The following NHSL1 variants were observed in gnomAD, a reference collection of about 807,000 sequenced individuals.
The protein encoded by NHSL1 is NHS like 1, also known as NHS-like protein 1.
In NHSL1, 48 loss-of-function variants were observed where a neutral mutation model predicts 95.0. The ratio of observed to expected loss-of-function variants is 0.51; its 90% confidence interval spans 0.40 to 0.64. The LOEUF (loss-of-function observed/expected upper bound fraction) is 0.64. Among genes scored for constraint, NHSL1 ranks in the 30% least tolerant of loss-of-function variants. The pLI, the probability that NHSL1 is intolerant of heterozygous loss-of-function variation, is 0.00. For missense variants in NHSL1, 1,971 were observed against 2,077.7 expected, an observed-to-expected ratio of 0.95 and a Z score of 1.00; for synonymous variants, 783 against 833.9, an observed-to-expected ratio of 0.94 and a Z score of 1.05.
chr6:138,613,783 C>T (rs1285153949), intron 1 of NHSL1, among the ~76,000 whole-genome samples: 2 of 152,122 alleles, frequency 1.3e-5, no homozygotes, highest in Non-Finnish European at 2.9e-5. Context: ...AGAGGGGAAG[C>T]GAATTAGGCT....
At chr6:138,493,960 G>A (rs1266451274) in intron 2 of NHSL1, among the ~76,000 whole-genome samples, 2 of 152,056 alleles carry the variant, frequency 1.3e-5, no homozygotes, top group Non-Finnish European at 2.9e-5. Flanking sequence ...AAATAAAAAG[G>A]GAAACCAACA....
At chr6:138,536,626 T>TCTC (rs1782361984) in intron 1 of NHSL1, among the ~76,000 whole-genome samples, 1 of 90,554 alleles carries the variant, frequency 1.1e-5, no homozygotes, top group African/African-American at 5.3e-5. Context: ...TTTTTTTTTT[T>TCTC]TTTTTCACTT....
At chr6:138,553,613 T>C (rs1455545443) in intron 1 of NHSL1, among the ~76,000 whole-genome samples, 1 of 152,196 alleles carries the variant, frequency 6.6e-6, no homozygotes, top group Non-Finnish European at 1.5e-5. Flanking sequence ...TAGTGGAAAG[T>C]ATATAAAACC....
intron 1 of NHSL1, among the ~76,000 whole-genome samples, chr6:138,536,995 C>A (rs571635921): frequency 6.6e-6 from 1 of 152,272 alleles, no homozygotes; most frequent in East Asian, 1.9e-4. Flanking sequence ...TTCCCAATTC[C>A]TCAGTACAGC....
chr6:138,644,299 G>C (rs1437759105), intron 1 of NHSL1, among the ~76,000 whole-genome samples: 2 of 152,072 alleles, frequency 1.3e-5, no homozygotes, highest in African/African-American at 4.8e-5. Context: ...TCAGGAGTTC[G>C]AGACCAGTCT....
intron 1 of NHSL1, chr6:138,651,057 T>C (rs561194768): frequency 2.8e-5 from 11 of 387,024 alleles, no homozygotes; most frequent in African/African-American, 1.7e-4. Context: ...CCTCGTATTT[T>C]GATAACATGC....
chr6:138,552,704 C>G (rs1488615266), intron 1 of NHSL1, among the ~76,000 whole-genome samples: 1 of 152,130 alleles, frequency 6.6e-6, no homozygotes, highest in East Asian at 1.9e-4. Context: ...TTGACCTGGG[C>G]TCTTGGCTTA....
chr6:138,679,545 A>T (rs1186887083), intron 1 of NHSL1, among the ~76,000 whole-genome samples: 1 of 152,208 alleles, frequency 6.6e-6, no homozygotes, highest in Non-Finnish European at 1.5e-5. Context: ...TGATAGAAAA[A>T]CACATCTACT....
In NHSL1 at chr6:138,476,401, A is replaced by G. The variant is rs116073455; in HGVS notation, c.212-2968T>C. Among the ~76,000 whole-genome samples the G allele has an allele frequency of 3.5e-4, 54 of 152,332 alleles. 1 individual carries two copies. The highest frequency in any genetic ancestry group is 1.2e-3 in the African/African-American group (48 of 41,566). ...TGAGTGAAATAACTCAGAAACAGAA[A>G]ATCAAATAGTGCATGTTCTCACCTT... On this transcript the variant is annotated intron_variant, in intron 2 of 7. Transcript: ENST00000343505.
intron 1 of NHSL1, among the ~76,000 whole-genome samples, chr6:138,635,946 C>A (rs1784881832): frequency 7.9e-6 from 1 of 125,996 alleles, no homozygotes; most frequent in African/African-American, 3.3e-5. Context: ...AATGCCGTCT[C>A]TACTAAAAAA....
chr6:138,545,894 G>T, upstream of NHSL1: 1 of 925,922 alleles, frequency 1.1e-6, no homozygotes, highest in Non-Finnish European at 1.3e-6. Context: ...AAAGGAGCCA[G>T]GGGTTAGCAG....
chr6:138,555,906 G>C (rs1359284644), intron 1 of NHSL1, among the ~76,000 whole-genome samples: 1 of 151,948 alleles, frequency 6.6e-6, no homozygotes, highest in African/African-American at 2.4e-5. Flanking sequence ...GGCCCTGTTG[G>C]GTACAGGCCT....
chr6:138,451,603 G>A (rs1177791359), intron 3 of NHSL1, among the ~76,000 whole-genome samples: 2 of 152,258 alleles, frequency 1.3e-5, no homozygotes, highest in Admixed American at 6.5e-5. Context: ...CCTTGCCCTT[G>A]GTGGGGACTT....
chr6:138,432,510 T>G lies in NHSL1; in HGVS notation c.1835A>C (p.His612Pro). The G allele has an allele frequency of 6.4e-7, 1 of 1,552,190 alleles. No homozygotes were observed. Among genetic ancestry groups the G allele is most frequent in the African/African-American group, 1.4e-5 (1 of 73,154 alleles). The change falls in exon 6 of 8, where the codon CAC becomes CCC. Residue 612 changes from histidine to proline, a missense_variant. Physicochemically the swap from His to Pro is moderately conservative, Grantham distance 77. Around this residue, in one of 3 missense-constraint regions of NHSL1, gnomAD observed 1,602 missense variants for 1,654.5 expected, o/e 0.97. Transcript: ENST00000343505. This position sits in a 1 kb window ranked among gnomAD's most constrained non-coding sequence, Gnocchi z 4.4. ...EDHDGYCASV[H>P]TDSGHGSGNL... ...CCCAGATCCATGTCCAGAGTCAGTG[T>G]GCACAGATGCACAGTAGCCATCGTG... is the stretch of plus-strand genomic sequence containing the variant.
chr6:138,692,291 G>C lies in NHSL1; in HGVS notation c.96+185C>G, dbSNP rs750463908. On this transcript the variant is annotated intron_variant, in intron 1 of 3. Coordinates refer to the NHSL1 transcript ENST00000491526. This position sits in a 1 kb window ranked among gnomAD's most constrained non-coding sequence, Gnocchi z 4.0. ...ACCCTCCAGGAGTCCGAAAGTCACA[G>C]AGCGCTCTGCGCCCCTGCCACCTGC... 2.4e-6 allele frequency: 1 copy of C among 409,200 alleles called. No individual in the cohort carries two copies. The highest frequency in any genetic ancestry group is 1.8e-5 in the South Asian group (1 of 57,114). 25.3% of individuals were successfully genotyped at this position (409,200 alleles called of 1,614,324 possible). A position where few individuals can be genotyped will look rare whatever the true frequency, so the allele number is the denominator to read the frequency against.
rs1466634096 is a variant in NHSL1, at chr6:138,437,441, CACACAAAA to C, written c.665-3769_665-3762del. ...ACACACACACACACACACACACACACACACAAAAAAAAAAAAAAAAAATACAATGCACC... is the reference window on the plus strand; with the variant it reads ...ACACACACACACACACACACACACACAAAAAAAAAAAAAATACAATGCACC... On this transcript the variant is annotated intron_variant, in intron 5 of 7. Coordinates refer to ENST00000343505, the MANE Select transcript of NHSL1 (RefSeq NM_001144060.2). Among the ~76,000 whole-genome samples, 126 of 35,472 alleles carry C rather than the reference CACACAAAA, an allele frequency of 3.6e-3. 8 individuals carry two copies. Among genetic ancestry groups the C allele is most frequent in the Admixed American group, 0.014 (47 of 3,450 alleles). 23.3% of individuals were successfully genotyped at this position (35,472 alleles called of 152,430 possible).
intron 2 of NHSL1, among the ~76,000 whole-genome samples, chr6:138,494,212 G>A (rs1314231475): frequency 6.6e-6 from 1 of 152,156 alleles, no homozygotes; most frequent in Non-Finnish European, 1.5e-5. Flanking sequence ...TTTTTAGTTT[G>A]TCTCCTCAGT....
upstream of NHSL1, among the ~76,000 whole-genome samples, chr6:138,546,234 C>G (rs933491799): frequency 6.7e-6 from 1 of 150,220 alleles, no homozygotes; most frequent in African/African-American, 2.4e-5. Context: ...ATGTGAAATG[C>G]TCTTTCAGTC....
At chr6:138,469,496 G>T (rs1242546256) in intron 3 of NHSL1, among the ~76,000 whole-genome samples, 2 of 152,180 alleles carry the variant, frequency 1.3e-5, no homozygotes, top group African/African-American at 4.8e-5. Flanking sequence ...GGCCAAAGCA[G>T]GCAGACTGCT....
Sources: gnomAD v4.1 joint callset for allele counts (sites outside exome capture counted in the v4.1 genomes callset) on GRCh38, gnomAD v4.1.1 for gene constraint, gnomAD v4.1.1 regional missense constraint, Gnocchi (gnomAD v3.1) non-coding constraint, MANE v1.5 for transcripts, NCBI Gene and HGNC (gene_info 2026-07-23, HGNC 2026-07-21) for gene names.